The following SUPT3H variants were observed in gnomAD, a reference collection of about 807,000 sequenced individuals.
SUPT3H encodes transcription initiation protein SPT3 homolog.
Under a neutral mutation model 44.3 loss-of-function variants are expected in SUPT3H, and 44 were observed. The observed-to-expected ratio is 0.99, with a 90% confidence interval of 0.78 to 1.28. The LOEUF (loss-of-function observed/expected upper bound fraction) is 1.28. Among genes scored for constraint, SUPT3H ranks in the 50% most tolerant of loss-of-function variants. The pLI is 0.00. For missense variants in SUPT3H, 380 were observed against 387.1 expected (o/e 0.98, Z 0.15); for synonymous variants, 124 against 125.6 (o/e 0.99, Z 0.09).
At chr6:45,024,369 T>C (rs1785625100) in intron 3 of SUPT3H, among the ~76,000 whole-genome samples, 1 of 152,118 alleles carries the variant, frequency 6.6e-6, no homozygotes. Context: ...CCAATTTCTG[T>C]TTATTTTGTT....
At chr6:45,050,559 T>C (rs1475246478) in intron 3 of SUPT3H, among the ~76,000 whole-genome samples, 1 of 152,052 alleles carries the variant, frequency 6.6e-6, no homozygotes, top group Non-Finnish European at 1.5e-5. Flanking sequence ...TAAATTACAA[T>C]TACTAAAATG....
intron 3 of SUPT3H, among the ~76,000 whole-genome samples, chr6:45,069,906 C>G (rs1794110751): frequency 6.6e-6 from 1 of 151,874 alleles, no homozygotes; most frequent in Non-Finnish European, 1.5e-5. Context: ...ATAAATATGC[C>G]TAGAGAGGAG....
intron 2 of SUPT3H, among the ~76,000 whole-genome samples, chr6:45,324,297 A>G (rs1786004178): frequency 6.6e-6 from 1 of 152,104 alleles, no homozygotes; most frequent in South Asian, 2.1e-4. Context: ...GTATTAAAGT[A>G]AATTAGCATA....
intron 10 of SUPT3H, among the ~76,000 whole-genome samples, chr6:44,911,608 T>C (rs1288078930): frequency 3.9e-5 from 6 of 152,226 alleles, no homozygotes; most frequent in Admixed American, 3.9e-4. Flanking sequence ...GAAAATTTAA[T>C]GGACTCATTA....
chr6:45,375,612 T>C (rs1796670370), intron 1 of SUPT3H, among the ~76,000 whole-genome samples: 1 of 151,916 alleles, frequency 6.6e-6, no homozygotes, highest in Non-Finnish European at 1.5e-5. Context: ...GGCCTGACCA[T>C]GATTCACTGC....
intron 10 of SUPT3H, among the ~76,000 whole-genome samples, chr6:44,890,327 T>C (rs1200483931): frequency 2.6e-5 from 4 of 151,300 alleles, no homozygotes; most frequent in African/African-American, 9.7e-5. Flanking sequence ...TATTGCGGCA[T>C]TATTCACAAT....
chr6:45,281,236 C>G (rs560126238), intron 2 of SUPT3H, among the ~76,000 whole-genome samples: 6 of 152,326 alleles, frequency 3.9e-5, no homozygotes, highest in South Asian at 4.1e-4. Flanking sequence ...GACTGTCAGA[C>G]AGTGGGGACA....
At position 44,913,883 on chromosome 6, in the gene SUPT3H, T is replaced by C. The variant is rs1308920864; in HGVS notation, c.912+18770A>G. ...ATGATTCAGTGCCACCCCTATCATA[T>C]AGTTTCATGTGTAACTTGTGATTTT... is the stretch of plus-strand genomic sequence containing the variant. On this transcript the variant is annotated intron_variant, in intron 10 of 10. Transcript: ENST00000371459. 3.3e-5 allele frequency among the ~76,000 whole-genome samples: 5 copies of C among 152,194 alleles called. No individual in the cohort carries two copies. The East Asian group carries it at 9.6e-4, about 29-fold the overall frequency.
At chr6:45,069,081 A>G (rs141005120) in intron 3 of SUPT3H, among the ~76,000 whole-genome samples, 207 of 152,312 alleles carry the variant, frequency 1.4e-3, no homozygotes, top group Non-Finnish European at 2.3e-3. Context: ...ACAATAGAGA[A>G]TCAATAAGTA....
intron 3 of SUPT3H, among the ~76,000 whole-genome samples, chr6:45,058,760 C>G (rs777259642): frequency 2.0e-5 from 3 of 152,128 alleles, no homozygotes; most frequent in Non-Finnish European, 2.9e-5. Flanking sequence ...TAGCCAAACT[C>G]ACTACGCATT....
chr6:45,280,736 T>C (rs1584662838), intron 2 of SUPT3H, among the ~76,000 whole-genome samples: 2 of 152,146 alleles, frequency 1.3e-5, no homozygotes, highest in African/African-American at 4.8e-5. Context: ...GAACTCCTAG[T>C]GGCTTCACCT....
chr6:45,106,410 CAATG>C (rs748620908), intron 2 of SUPT3H, among the ~76,000 whole-genome samples: 4 of 152,042 alleles, frequency 2.6e-5, no homozygotes, highest in African/African-American at 4.8e-5. Context: ...CCATCATGGG[CAATG>C]GAGTCAGACC....
chr6:45,362,315 C>A (rs1794402541), intron 2 of SUPT3H, among the ~76,000 whole-genome samples: 1 of 152,082 alleles, frequency 6.6e-6, no homozygotes, highest in African/African-American at 2.4e-5. Flanking sequence ...AGAACAACAA[C>A]TCATTAATAG....
At chr6:44,911,362 A>G (rs1448729051) in intron 10 of SUPT3H, among the ~76,000 whole-genome samples, 8 of 152,340 alleles carry the variant, frequency 5.3e-5, no homozygotes, top group Non-Finnish European at 1.5e-5. Context: ...AGAAAATATC[A>G]TAACTATCTT....
At chr6:45,270,946 T>C (rs749833984) in intron 2 of SUPT3H, among the ~76,000 whole-genome samples, 10 of 152,226 alleles carry the variant, frequency 6.6e-5, no homozygotes, top group Non-Finnish European at 1.3e-4. Flanking sequence ...GTGACTCTTA[T>C]GTTTCAGCAA....
intron 10 of SUPT3H, among the ~76,000 whole-genome samples, chr6:44,854,662 G>A (rs1773437362): frequency 6.6e-6 from 1 of 152,090 alleles, no homozygotes; most frequent in Admixed American, 6.6e-5. Context: ...CACTCAGTGA[G>A]TACGCCCTTA....
At chr6:45,304,816 T>C (rs1562920344) in intron 2 of SUPT3H, among the ~76,000 whole-genome samples, 1 of 152,228 alleles carries the variant, frequency 6.6e-6, no homozygotes, top group Admixed American at 6.5e-5. Context: ...CTAGATTCTT[T>C]TTAAGCACCA....
intron 2 of SUPT3H, among the ~76,000 whole-genome samples, chr6:45,315,091 G>C (rs1332783644): frequency 3.3e-5 from 5 of 151,996 alleles, no homozygotes; most frequent in Non-Finnish European, 5.9e-5. Context: ...CCACATGTAG[G>C]AGAATGAAAC....
intron 2 of SUPT3H, among the ~76,000 whole-genome samples, chr6:45,266,945 G>A (rs554336795): frequency 6.6e-6 from 1 of 152,092 alleles, no homozygotes; most frequent in South Asian, 2.1e-4. Context: ...TCATGTGACA[G>A]GTTACAGTTT....
Sources: gnomAD v4.1 joint callset for allele counts (sites outside exome capture counted in the v4.1 genomes callset) on GRCh38, gnomAD v4.1.1 for gene constraint, MANE v1.5 for transcripts, NCBI Gene and HGNC (gene_info 2026-07-23, HGNC 2026-07-21) for gene names.